Variants in CUBN observed in about 807,000 individuals in gnomAD.
The protein encoded by CUBN is cubilin.
CUBN carries 282 observed loss-of-function variants against 405.3 expected under a neutral mutation model. The observed-to-expected ratio is 0.70, with a 90% confidence interval of 0.63 to 0.77. The LOEUF is 0.77. Among genes scored for constraint, CUBN ranks in the 30% least tolerant of loss-of-function variants. The pLI, the probability that CUBN is intolerant of heterozygous loss-of-function variation, is 0.00. For missense variants in CUBN, 4,514 were observed against 4,475.2 expected (o/e 1.01, Z -0.25); for synonymous variants, 1,684 against 1,617.0 (o/e 1.04, Z -0.99).
At chr10:16,925,841 A>G (rs2131582843) in intron 41 of CUBN, 67 bp from the exon 42 acceptor site, 1 of 1,456,184 alleles carries the variant, frequency 6.9e-7, no homozygotes, top group South Asian at 1.2e-5. Flanking sequence ...ATGCTTTCTT[A>G]GTTTTCTTGG....
chr10:17,036,658 A>G (rs1834908072), intron 27 of CUBN, among the ~76,000 whole-genome samples: 2 of 152,190 alleles, frequency 1.3e-5, no homozygotes, highest in South Asian at 4.1e-4. Flanking sequence ...TTCATTCTAG[A>G]ATCTCGTAGA....
intron 64 of CUBN, among the ~76,000 whole-genome samples, chr10:16,834,286 A>G (rs904983728): frequency 2.0e-5 from 3 of 152,020 alleles, no homozygotes; most frequent in Non-Finnish European, 4.4e-5. Flanking sequence ...AAGAGCACAG[A>G]GGGAGCTCAT....
At position 16,952,364 on chromosome 10, in the gene CUBN, G is replaced by T; in HGVS notation, c.4881C>A (p.Ser1627Arg). The change falls in exon 33 of 67, where the codon AGC becomes AGA. Residue 1627 changes from serine to arginine, a missense_variant. This residue lies in a region of CUBN where 1,613 missense variants were observed against 1,542.8 expected (regional missense o/e 1.05). Coordinates refer to ENST00000377833, the MANE Select transcript of CUBN (RefSeq NM_001081.4). ...GTGGAGAGGAAACAGTATCAAATGA[G>T]CTGGTGAGGATGTGGCCTCCGCAGG... ...RQACGGHILT[S>R]SFDTVSSPRF... 6.2e-7 allele frequency: 1 copy of T among 1,613,642 alleles called. No homozygotes were observed. Among genetic ancestry groups the T allele is most frequent in the Non-Finnish European group, 8.5e-7 (1 of 1,179,592 alleles).
chr10:16,870,357 T>A (rs1439846747), intron 58 of CUBN, among the ~76,000 whole-genome samples: 1 of 152,230 alleles, frequency 6.6e-6, no homozygotes, highest in Non-Finnish European at 1.5e-5. Context: ...CATTTTCCTC[T>A]TTTAAAATGA....
At chr10:16,948,266 G>A (rs1359085214) in intron 35 of CUBN, among the ~76,000 whole-genome samples, 1 of 152,132 alleles carries the variant, frequency 6.6e-6, no homozygotes, top group Non-Finnish European at 1.5e-5. Context: ...TGAAAAGACA[G>A]CTACATTTCC....
At chr10:17,023,007 T>C (rs1834538763) in intron 27 of CUBN, among the ~76,000 whole-genome samples, 1 of 152,236 alleles carries the variant, frequency 6.6e-6, no homozygotes, top group African/African-American at 2.4e-5. Flanking sequence ...TATATTTCAA[T>C]CCTGCACAAG....
In CUBN at chr10:16,933,206, T is replaced by C. The variant is rs368261414; in HGVS notation, c.6005A>G (p.Asn2002Ser). Residue 2002 changes from asparagine (N) to serine (S), a missense_variant, in exon 40 of 67, where the codon AAT becomes AGT. By Grantham distance (46) the Asn-to-Ser change is conservative. This residue lies in a region of CUBN where 1,613 missense variants were observed against 1,542.8 expected (regional missense o/e 1.05). Transcript: ENST00000377833. ...GATGAGCCACGTACAGTCCACTCTA[T>C]TACTGTAACTGTCAGGCCAGCCCGG... ...FSPGWPDSYS[N>S]RVDCTWLIQA... 291 of 1,613,958 alleles carry C rather than the reference T, an allele frequency of 1.8e-4. No homozygotes were observed. Among genetic ancestry groups the C allele is most frequent in the Non-Finnish European group, 2.4e-4 (286 of 1,179,992 alleles).
intron 17 of CUBN, among the ~76,000 whole-genome samples, chr10:17,075,680 A>C (rs1323740394): frequency 6.6e-6 from 1 of 152,226 alleles, no homozygotes; most frequent in Non-Finnish European, 1.5e-5. Flanking sequence ...AGTCTGACAC[A>C]GACATGAAAA....
At chr10:16,835,970 T>C (rs924616029) in intron 63 of CUBN, among the ~76,000 whole-genome samples, 1 of 152,208 alleles carries the variant, frequency 6.6e-6, no homozygotes, top group African/African-American at 2.4e-5. Context: ...AATTGGCATA[T>C]TTTTAAAATC....
In CUBN at chr10:16,990,471, G is replaced by T. The variant is rs1352183695; in HGVS notation, c.4213C>A (p.Pro1405Thr). The change falls in exon 29 of 67, where the codon CCC (proline) becomes ACC (threonine). Residue 1405 changes from proline to threonine, a missense_variant. This residue lies in a region of CUBN where 1,613 missense variants were observed against 1,542.8 expected (regional missense o/e 1.05). Transcript: ENST00000377833. ...GGTGGATACCTGTTGGGGAACCCGG[G>T]GCTGCTGAAGGAGCCTGTGGCCCCA... ...LSGATGSFSS[P>T]GFPNRYPPNK... 1.2e-6 allele frequency: 2 copies of T among 1,614,102 alleles called. No homozygotes were observed. Among genetic ancestry groups the T allele is most frequent in the Non-Finnish European group, 1.7e-6 (2 of 1,180,016 alleles).
chr10:17,122,405 C>T (rs1283671047), intron 6 of CUBN: 2 of 338,794 alleles, frequency 5.9e-6, no homozygotes, highest in Admixed American at 4.6e-5. Flanking sequence ...GGAAAGAGTA[C>T]AGCTGGGGAC....
intron 22 of CUBN, among the ~76,000 whole-genome samples, chr10:17,058,330 G>A (rs1393099593): frequency 6.6e-6 from 1 of 151,962 alleles, no homozygotes. Flanking sequence ...GTAGTTAAAT[G>A]GGTGTACACA....
intron 48 of CUBN, among the ~76,000 whole-genome samples, chr10:16,907,937 G>C (rs923377378): frequency 6.6e-6 from 1 of 152,116 alleles, no homozygotes; most frequent in Non-Finnish European, 1.5e-5. Flanking sequence ...ATTAAAAGCT[G>C]CTATACACTT....
At chr10:17,118,426 T>C (rs1836954818) in intron 6 of CUBN, among the ~76,000 whole-genome samples, 1 of 152,194 alleles carries the variant, frequency 6.6e-6, no homozygotes, top group South Asian at 2.1e-4. Flanking sequence ...TGCATTTTTA[T>C]GCACCTTTTT....
rs1841582911 is a variant in CUBN, at chr10:16,907,415, G to A, written c.7705+93C>T. On this transcript the variant is annotated intron_variant, in intron 49 of 66. Coordinates refer to ENST00000377833, the MANE Select transcript of CUBN (RefSeq NM_001081.4). The stretch of plus-strand genomic sequence containing the variant: ...CAAAGATTTCAAGTATCACTAAAGG[G>A]AAAATGGATGGCTCTGCTGCCATTG... 5 of 1,307,918 alleles carry A rather than the reference G, an allele frequency of 3.8e-6. No individual in the cohort carries two copies. In the South Asian group the frequency reaches 6.0e-5, roughly 16 times the overall value. 81.0% of individuals were successfully genotyped at this position (1,307,918 alleles called of 1,614,324 possible).
At chr10:17,010,960 C>A (rs1834163649) in intron 28 of CUBN, among the ~76,000 whole-genome samples, 1 of 152,196 alleles carries the variant, frequency 6.6e-6, no homozygotes, top group South Asian at 2.1e-4. Context: ...TGTTAAGAGT[C>A]AACCACTGCA....
chr10:16,855,901 C>T (rs1839856346), intron 59 of CUBN, among the ~76,000 whole-genome samples: 1 of 152,086 alleles, frequency 6.6e-6, no homozygotes, highest in African/African-American at 2.4e-5. Flanking sequence ...TCTAATTCCC[C>T]CTCTTTAGTG....
At chr10:16,826,038 C>G (rs1469151261) in intron 66 of CUBN, among the ~76,000 whole-genome samples, 1 of 152,122 alleles carries the variant, frequency 6.6e-6, no homozygotes, top group Non-Finnish European at 1.5e-5. Flanking sequence ...ACTAGTATGT[C>G]AACAGACGGT....
intron 22 of CUBN, among the ~76,000 whole-genome samples, chr10:17,048,399 G>C (rs1835187000): frequency 6.6e-6 from 1 of 152,094 alleles, no homozygotes; most frequent in Non-Finnish European, 1.5e-5. Flanking sequence ...TCGATTCTGT[G>C]TTTATTACCA....
Sources: allele counts gnomAD v4.1 joint callset (sites outside exome capture counted in the v4.1 genomes callset), GRCh38; gene constraint gnomAD v4.1.1; regional missense constraint gnomAD v4.1.1; transcripts MANE v1.5; gene names NCBI Gene and HGNC (gene_info 2026-07-23, HGNC 2026-07-21).